The following TEX11 variants were observed in gnomAD, a reference collection of about 807,000 sequenced individuals.
TEX11 encodes the protein testis-expressed protein 11.
A neutral mutation model predicts 84.4 loss-of-function variants in TEX11; 7 were observed. The ratio of observed to expected loss-of-function variants is 0.08; its 90% CI spans 0.05 to 0.16. The LOEUF is 0.16. Ranked by LOEUF, TEX11 falls within the 10% of genes least tolerant of loss-of-function variation. TEX11 has a pLI of 1.00. For missense variants in TEX11, 551 were observed against 660.5 expected, an observed-to-expected ratio of 0.83 and a Z score of 1.82; for synonymous variants, 264 against 222.8, an observed-to-expected ratio of 1.18 and a Z score of -1.64.
chrX:70,576,625 T>C (rs1444768251), intron 25 of TEX11, among the ~76,000 whole-genome samples: 3 of 112,240 alleles, frequency 2.7e-5, no homozygotes, highest in Non-Finnish European at 5.6e-5. Flanking sequence ...TAAATATATA[T>C]ACATATACAC....
intron 9 of TEX11, among the ~76,000 whole-genome samples, chrX:70,783,963 C>T (rs1223375003): frequency 9.0e-6 from 1 of 111,717 alleles, no homozygotes; most frequent in Non-Finnish European, 1.9e-5. Flanking sequence ...GGAAACCTCC[C>T]TATCTCATTT....
chrX:70,624,068 T>C, intron 19 of TEX11, 62 bp from the exon 20 acceptor site: 1 of 950,202 alleles, frequency 1.1e-6, no homozygotes, highest in African/African-American at 1.9e-5. Context: ...TGTGAATGAA[T>C]ACATACCAAG....
Position 70,532,882 on chromosome X carries a change from C to T in TEX11, c.2521-2883G>A, listed in dbSNP as rs1202419634. 1.1e-4 allele frequency among the ~76,000 whole-genome samples: 12 copies of T among 108,508 alleles called. No homozygotes were observed. The East Asian group carries it at 2.9e-3, about 26-fold the overall frequency. The allele number at this position is 108,508 out of a possible 115,157, so 94.2% of individuals were successfully genotyped here. A position where few individuals can be genotyped will look rare whatever the true frequency, so the allele number is the denominator to read the frequency against. On this transcript the variant is annotated intron_variant, in intron 28 of 29. Coordinates refer to ENST00000374333, the MANE Select transcript of TEX11 (RefSeq NM_031276.3). Reference sequence around the variant, plus strand: ...TGAAATCCTGTCTCTACTAAAAATACAAAACATTAGCCGGGCGTGGTGGCA... The same window carrying T: ...TGAAATCCTGTCTCTACTAAAAATATAAAACATTAGCCGGGCGTGGTGGCA...
intron 8 of TEX11, among the ~76,000 whole-genome samples, chrX:70,811,617 G>C (rs1312845628): frequency 9.0e-6 from 1 of 111,087 alleles, no homozygotes; most frequent in Non-Finnish European, 1.9e-5. Context: ...TTCCACAATG[G>C]TTGAACTAGT....
intron 16 of TEX11, among the ~76,000 whole-genome samples, chrX:70,660,052 G>T (rs1400434054): frequency 3.6e-5 from 4 of 111,960 alleles, no homozygotes; most frequent in Non-Finnish European, 3.8e-5. Flanking sequence ...AATTTTAATG[G>T]TAAGTATTTA....
intron 8 of TEX11, among the ~76,000 whole-genome samples, chrX:70,815,758 C>T (rs1039954625): frequency 4.5e-5 from 5 of 111,227 alleles, no homozygotes; most frequent in African/African-American, 1.6e-4. Flanking sequence ...CTTGATTTCA[C>T]GCTTCTGTCA....
At chrX:70,765,983 C>A (rs2090937727) in intron 9 of TEX11, among the ~76,000 whole-genome samples, 1 of 112,067 alleles carries the variant, frequency 8.9e-6, no homozygotes, top group Non-Finnish European at 1.9e-5. Context: ...TTTCTATAAG[C>A]CAAGAGTGAA....
Position 70,588,183 on chromosome X carries a change from A to G in TEX11, c.2140+3568T>C, listed in dbSNP as rs2088879138. 2.7e-5 allele frequency among the ~76,000 whole-genome samples: 3 copies of G among 111,867 alleles called. No individual in the cohort carries two copies. The South Asian group carries it at 1.1e-3, about 42-fold the overall frequency. Reference sequence around the variant, plus strand: ...TGAGTTAATGCTGGAATGAATTAAGACTTTGGGGGACTGTTGGGAAGGCAT... The same window carrying G: ...TGAGTTAATGCTGGAATGAATTAAGGCTTTGGGGGACTGTTGGGAAGGCAT... On this transcript the variant is annotated intron_variant, in intron 25 of 29. Transcript: ENST00000374333.
At chrX:70,647,250 G>A (rs967899907) in intron 17 of TEX11, among the ~76,000 whole-genome samples, 1 of 111,950 alleles carries the variant, frequency 8.9e-6, no homozygotes, top group Admixed American at 9.5e-5. Context: ...GGACTAAGGA[G>A]TCGGGGAGAT....
rs946235174 is a variant in TEX11 at position 70,682,750 on chromosome X, C to T, written c.1080G>A (p.Leu360=). 3.3e-6 allele frequency: 4 copies of T among 1,207,038 alleles called. No homozygotes were observed. Among genetic ancestry groups the T allele is most frequent in the Non-Finnish European group, 3.4e-6 (3 of 893,118 alleles). Reference sequence around the variant, plus strand: ...GTAAAAGCATGTCAGTATGGAGTATCAGAACTTTTCCAATATTTTCCGATG... The same window carrying T: ...GTAAAAGCATGTCAGTATGGAGTATTAGAACTTTTCCAATATTTTCCGATG... ...FKSSENIGKV[L]ILHTDMLLQR... Residue 360 remains leucine, a synonymous_variant, in exon 14 of 30, where the codon CTG becomes CTA. Coordinates refer to ENST00000374333, the MANE Select transcript of TEX11 (RefSeq NM_031276.3).
chrX:70,850,137 A>T (rs764637010), intron 7 of TEX11, among the ~76,000 whole-genome samples: 1 of 112,080 alleles, frequency 8.9e-6, no homozygotes, highest in South Asian at 3.7e-4. Flanking sequence ...ATTGTTCTTC[A>T]TTCCATCCTG....
chrX:70,754,138 C>T (rs1229422744), intron 9 of TEX11, among the ~76,000 whole-genome samples: 1 of 111,478 alleles, frequency 9.0e-6, no homozygotes, highest in African/African-American at 3.3e-5. Flanking sequence ...ACCAAGCAAG[C>T]TCTTAGGGTC....
intron 9 of TEX11, among the ~76,000 whole-genome samples, chrX:70,785,140 T>TGGAAC (rs1380051536): frequency 3.6e-5 from 4 of 111,200 alleles, no homozygotes; most frequent in Non-Finnish European, 5.7e-5. Context: ...TATAGACCAA[T>TGGAAC]GGAACAGAAC....
the TEX11 span, among the ~76,000 whole-genome samples, chrX:70,511,752 CAAA>C: frequency 6.4e-4 from 21 of 32,727 alleles, no homozygotes; most frequent in African/African-American, 1.6e-3. Flanking sequence ...GACTCCATCT[CAAA>C]AAAAAAAAAA....
Position 70,685,916 on chromosome X carries a change from A to G in TEX11, c.1005-3091T>C, listed in dbSNP as rs2090184668. ...GTTCATATTCATTGCCCACTTTTTG[A>G]CAAGGTTTTTTTTTTCTTGTAAATT... On this transcript the variant is annotated intron_variant, in intron 13 of 29. Transcript: ENST00000374333. Among the ~76,000 whole-genome samples, 3 of 110,232 alleles carry G rather than the reference A, an allele frequency of 2.7e-5. No individual in the cohort carries two copies. The South Asian group carries it at 1.1e-3, about 41-fold the overall frequency.
intron 11 of TEX11, among the ~76,000 whole-genome samples, chrX:70,729,221 G>A (rs1366695878): frequency 9.1e-6 from 1 of 110,354 alleles, no homozygotes; most frequent in Non-Finnish European, 1.9e-5. Context: ...AAAAAACAGA[G>A]CAGAAAAACT....
In TEX11 at chrX:70,814,387, C is replaced by G. The variant is rs1042268420; in HGVS notation, c.607-7597G>C. ...AAATGATTTTGAGTTTGGAATGAAA[C>G]TAGATAACCTTAAGTGATTAGGCTC... On this transcript the variant is annotated intron_variant, in intron 8 of 29. Transcript: ENST00000374333. Among the ~76,000 whole-genome samples the G allele has an allele frequency of 3.6e-5, 4 of 112,056 alleles. No individual in the cohort carries two copies. The Admixed American group carries it at 3.8e-4, about 11-fold the overall frequency.
At chrX:70,694,905 G>C (rs1211365966) in intron 13 of TEX11, among the ~76,000 whole-genome samples, 1 of 111,139 alleles carries the variant, frequency 9.0e-6, no homozygotes, top group East Asian at 2.8e-4. Context: ...CCTCAGAACT[G>C]ATTCATCCCT....
At chrX:70,703,605 G>A (rs1208977191) in intron 13 of TEX11, among the ~76,000 whole-genome samples, 1 of 111,314 alleles carries the variant, frequency 9.0e-6, no homozygotes, top group Non-Finnish European at 1.9e-5. Context: ...TGGTGTTAGT[G>A]GGGTTGGATT....
Sources: gnomAD v4.1 joint callset for allele counts (sites outside exome capture counted in the v4.1 genomes callset) on GRCh38, gnomAD v4.1.1 for gene constraint, MANE v1.5 for transcripts, NCBI Gene and HGNC (gene_info 2026-07-23, HGNC 2026-07-21) for gene names.